Variants in SHISAL1 observed in about 807,000 individuals in gnomAD.
The protein encoded by SHISAL1 is protein shisa-like-1.
A neutral mutation model predicts 22.6 loss-of-function variants in SHISAL1; 9 were observed. The ratio of observed to expected loss-of-function variants is 0.40; its 90% CI spans 0.24 to 0.70. SHISAL1 has a LOEUF of 0.70. Ranked by LOEUF, SHISAL1 falls within the 30% of genes least tolerant of loss-of-function variation. The probability of loss-of-function intolerance (pLI) is 0.39; values close to 1 mark genes in which losing one functional copy is unlikely to be tolerated. For missense variants in SHISAL1, 246 were observed against 270.6 expected, an observed-to-expected ratio of 0.91 and a Z score of 0.64; for synonymous variants, 119 against 115.4, an observed-to-expected ratio of 1.03 and a Z score of -0.20.
rs1366656950 is a variant in SHISAL1, at chr22:44,244,214, C to G, written c.*5471G>C. 1 of 152,224 alleles carries G rather than the reference C, an allele frequency of 6.6e-6. No homozygotes were observed. Among genetic ancestry groups the G allele is most frequent in the South Asian group, 2.1e-4 (1 of 4,834 alleles). The allele number at this position is 152,224 out of a possible 1,614,324, so 9.4% of individuals were successfully genotyped here. A position where few individuals can be genotyped will look rare whatever the true frequency, so the allele number is the denominator to read the frequency against. The stretch of plus-strand genomic sequence containing the variant: ...GCTGTGGCCAGGGTGGCCATATCAT[C>G]TATAGTTTTAGATCCTGTGCTCAGG... On this transcript the variant is annotated 3_prime_UTR_variant, in exon 5 of 5. Coordinates refer to ENST00000381176, the MANE Select transcript of SHISAL1 (RefSeq NM_001099294.2).
chr22:44,256,026 G>A (rs550094820), intron 4 of SHISAL1, among the ~76,000 whole-genome samples: 40 of 152,348 alleles, frequency 2.6e-4, no homozygotes, highest in African/African-American at 8.4e-4. Flanking sequence ...GAACCAACAA[G>A]TAAGGGGGAA....
intron 4 of SHISAL1, among the ~76,000 whole-genome samples, chr22:44,266,774 C>T (rs1428386326): frequency 4.6e-5 from 7 of 152,102 alleles, no homozygotes; most frequent in Admixed American, 4.6e-4. Context: ...CTGCAAACTC[C>T]CTCATACCCC....
chr22:44,299,306 T>C (rs1028957514), intron 2 of SHISAL1, among the ~76,000 whole-genome samples: 1 of 152,192 alleles, frequency 6.6e-6, no homozygotes, highest in Non-Finnish European at 1.5e-5. Flanking sequence ...CACCCCTGTG[T>C]GCACAGCTCC....
chr22:44,328,202 G>A, the SHISAL1 span, among the ~76,000 whole-genome samples: 4 of 152,162 alleles, frequency 2.6e-5, no homozygotes, highest in Non-Finnish European at 5.9e-5. Context: ...CCCCCTCATG[G>A]TTCCTGGTGC....
rs111470552 is a variant in SHISAL1, at chr22:44,287,870, A to T, written c.282-2125T>A. 1.4e-3 allele frequency among the ~76,000 whole-genome samples: 212 copies of T among 151,998 alleles called. 1 individual carries two copies. Among genetic ancestry groups the T allele is most frequent in the Middle Eastern group, 0.01 (3 of 294 alleles). On this transcript the variant is annotated intron_variant, in intron 3 of 4. Coordinates refer to ENST00000381176, the MANE Select transcript of SHISAL1 (RefSeq NM_001099294.2). ...ACCCTCCCTGCTGCAGCCCCCACGGAATTGCTCTAAGTGCCAGGTTTTTCT... is the reference window on the plus strand; with the variant it reads ...ACCCTCCCTGCTGCAGCCCCCACGGTATTGCTCTAAGTGCCAGGTTTTTCT...
rs756847213 is a variant in SHISAL1 at position 44,285,676 on chromosome 22, A to G, written c.351T>C (p.Leu117=). The change falls in exon 4 of 5, where the codon CTT becomes CTC. Residue 117 remains leucine, a synonymous_variant. Transcript: ENST00000381176. The stretch of plus-strand genomic sequence containing the variant: ...CGTAGTTCATTGCCGAGTAATACAA[A>G]AGGTCCAGAACCAGCAGCATCAACA... ...FFVLMLLVLD[L]LYYSAMNYDI... is the part of the protein sequence containing the mutation. 6.2e-7 allele frequency: 1 copy of G among 1,614,214 alleles called. No homozygotes were observed. The highest frequency in any genetic ancestry group is 8.5e-7 in the Non-Finnish European group (1 of 1,180,020).
chr22:44,272,929 C>T (rs1050471137), intron 4 of SHISAL1, among the ~76,000 whole-genome samples: 2 of 152,154 alleles, frequency 1.3e-5, no homozygotes, highest in Non-Finnish European at 2.9e-5. Context: ...AACTCTGTCT[C>T]TACTAAAAAT....
At chr22:44,322,267 G>C in the SHISAL1 span, among the ~76,000 whole-genome samples, 1 of 152,258 alleles carries the variant, frequency 6.6e-6, no homozygotes, top group African/African-American at 2.4e-5. Flanking sequence ...ACGGTGAGCA[G>C]GTGAGGGTCT....
chr22:44,312,265 C>T (rs1028849717), intron 1 of SHISAL1, among the ~76,000 whole-genome samples: 3 of 152,234 alleles, frequency 2.0e-5, no homozygotes, highest in African/African-American at 4.8e-5. Context: ...TGGACTGGGA[C>T]TGCAGACTCT....
At chr22:44,277,915 C>T (rs546440166) in intron 4 of SHISAL1, among the ~76,000 whole-genome samples, 63 of 152,310 alleles carry the variant, frequency 4.1e-4, no homozygotes, top group Non-Finnish European at 8.4e-4. Flanking sequence ...GCCCTGATGA[C>T]CGGCCAGGCT....
chr22:44,286,236 A>C (rs967735169), intron 3 of SHISAL1, among the ~76,000 whole-genome samples: 2 of 152,122 alleles, frequency 1.3e-5, no homozygotes, highest in Non-Finnish European at 2.9e-5. Flanking sequence ...TGCTGGACCA[A>C]GAGCAGAGGC....
At chr22:44,300,281 A>G (rs1222481341) in intron 2 of SHISAL1, among the ~76,000 whole-genome samples, 2 of 152,176 alleles carry the variant, frequency 1.3e-5, no homozygotes, top group Non-Finnish European at 2.9e-5. Flanking sequence ...GAAGCCAGAG[A>G]GCCAGAGGGG....
At chr22:44,313,003 TCCAGCTCCCGCCTGGGCCTAGGGCCG>T (rs1185366557), upstream of SHISAL1, among the ~76,000 whole-genome samples, 2 of 151,864 alleles carry the variant, frequency 1.3e-5, no homozygotes, top group African/African-American at 4.8e-5. Context: ...CCTGCAGGAG[TCCAGCTCCCGCCTGGGCCTAGGGCCG>T]CCACCTCCCA....
rs59779674 is a variant in SHISAL1 at position 44,261,996 on chromosome 22, G to GCTGGGA, written c.*-12312_*-12311insTCCCAG. ...ACCTTCGGCCAGGGCCTGGGCTGGG[G>GCTGGGA]GCTCAGAACTGAGTCAGGTGTGGGC... On this transcript the variant is annotated intron_variant, in intron 4 of 4. Coordinates refer to ENST00000381176, the MANE Select transcript of SHISAL1 (RefSeq NM_001099294.2). Among the ~76,000 whole-genome samples, 3 of 151,788 alleles carry GCTGGGA rather than the reference G, an allele frequency of 2.0e-5. No individual in the cohort carries two copies. The South Asian group carries it at 6.2e-4, about 31-fold the overall frequency.
At chr22:44,269,139 TAA>T in intron 4 of SHISAL1, among the ~76,000 whole-genome samples, 1 of 144,706 alleles carries the variant, frequency 6.9e-6, no homozygotes, top group African/African-American at 2.6e-5. Flanking sequence ...ACAATACACA[TAA>T]ACACACATAC....
At chr22:44,314,553 T>C (rs907443118), upstream of SHISAL1, among the ~76,000 whole-genome samples, 1 of 151,960 alleles carries the variant, frequency 6.6e-6, no homozygotes, top group African/African-American at 2.4e-5. Context: ...TTGACAGAGG[T>C]TGGAAGCACA....
the SHISAL1 span, among the ~76,000 whole-genome samples, chr22:44,321,861 G>A: frequency 6.6e-6 from 1 of 152,236 alleles, no homozygotes; most frequent in South Asian, 2.1e-4. Flanking sequence ...AGTGGAGAGG[G>A]CCGGCCCTTC....
chr22:44,247,118 A>G lies in SHISAL1; in HGVS notation c.*2567T>C. 1 of 152,732 alleles carries G rather than the reference A, an allele frequency of 6.5e-6. No homozygotes were observed. The allele number at this position is 152,732 out of a possible 1,614,324, so 9.5% of individuals were successfully genotyped here. A position where few individuals can be genotyped will look rare whatever the true frequency, so the allele number is the denominator to read the frequency against. The stretch of plus-strand genomic sequence containing the variant: ...CTATTTGGCAGTGACCTTTGACCCC[A>G]GGTGTCCAGGAGAGGGAGGCAAGGC... On this transcript the variant is annotated 3_prime_UTR_variant, in exon 5 of 5. Coordinates refer to ENST00000381176, the MANE Select transcript of SHISAL1 (RefSeq NM_001099294.2).
At chr22:44,294,320 G>A (rs1049511309) in intron 3 of SHISAL1, among the ~76,000 whole-genome samples, 1 of 152,194 alleles carries the variant, frequency 6.6e-6, no homozygotes, top group Non-Finnish European at 1.5e-5. Flanking sequence ...GCCTAGGTGG[G>A]AGGTGGGGAG....
Sources: allele counts gnomAD v4.1 joint callset (sites outside exome capture counted in the v4.1 genomes callset), GRCh38; gene constraint gnomAD v4.1.1; transcripts MANE v1.5; gene names NCBI Gene and HGNC (gene_info 2026-07-23, HGNC 2026-07-21).